The following VAT1L variants were observed in gnomAD, a reference collection of about 807,000 sequenced individuals.
The protein encoded by VAT1L is putative NADPH-dependent quinone oxidoreductase VAT1L.
A neutral mutation model predicts 44.1 loss-of-function variants in VAT1L; 34 were observed. That is an observed-to-expected ratio of 0.77 (90% CI 0.59 to 1.03). The LOEUF (loss-of-function observed/expected upper bound fraction) is 1.03, where lower values mean the gene tolerates loss of function less well. VAT1L is among the 50% of genes least tolerant of loss of function. The pLI, the probability that VAT1L is intolerant of heterozygous loss-of-function variation, is 0.00. For missense variants in VAT1L, 615 were observed against 538.8 expected (o/e 1.14, Z -1.40); for synonymous variants, 253 against 202.2 (o/e 1.25, Z -2.13).
chr16:77,935,772 C>G (rs1249079732), intron 7 of VAT1L, among the ~76,000 whole-genome samples: 1 of 152,212 alleles, frequency 6.6e-6, no homozygotes, highest in Non-Finnish European at 1.5e-5. Flanking sequence ...AAGCTCATCT[C>G]TGGCATAAAC....
At position 77,788,774 on chromosome 16, in the gene VAT1L, A is replaced by G. The variant is rs757720842; in HGVS notation, c.92A>G (p.Asp31Gly). 16 of 1,562,764 alleles carry G rather than the reference A, an allele frequency of 1.0e-5. No individual in the cohort carries two copies. The Admixed American group carries it at 2.5e-4, about 25-fold the overall frequency. Residue 31 changes from aspartate to glycine, a missense_variant, in exon 1 of 9, where the codon GAC becomes GGC. Physicochemically the swap from Asp to Gly is moderately conservative, Grantham distance 94 (BLOSUM62 -1). Coordinates refer to ENST00000302536, the MANE Select transcript of VAT1L (RefSeq NM_020927.3). ...GKEPAEGGGG[D>G]GSHRLGDAQE... Reference sequence around the variant, plus strand: ...GAGCCGGCGGAGGGCGGCGGCGGCGACGGCTCGCACCGCCTCGGGGACGCC... The same window carrying G: ...GAGCCGGCGGAGGGCGGCGGCGGCGGCGGCTCGCACCGCCTCGGGGACGCC...
chr16:77,796,775 C>T (rs944090928), intron 1 of VAT1L, among the ~76,000 whole-genome samples: 31 of 152,216 alleles, frequency 2.0e-4, no homozygotes, highest in Middle Eastern at 3.4e-3. Flanking sequence ...ATTGCCAGCA[C>T]GGAGTAGGAT....
chr16:77,875,744 T>C (rs2017080875), intron 4 of VAT1L, among the ~76,000 whole-genome samples: 4 of 152,204 alleles, frequency 2.6e-5, no homozygotes, highest in African/African-American at 7.2e-5. Context: ...ACCCTCTTCC[T>C]CTCAGAGTCA....
intron 7 of VAT1L, among the ~76,000 whole-genome samples, chr16:77,902,972 G>GAAA (rs11307214): frequency 0.18 from 17,401 of 95,752 alleles, 1,247 homozygotes; most frequent in South Asian, 0.23. Context: ...GACTCTGTCT[G>GAAA]AAAAAAAAAA....
intron 7 of VAT1L, among the ~76,000 whole-genome samples, chr16:77,910,427 C>T (rs947297106): frequency 6.6e-6 from 1 of 152,112 alleles, no homozygotes; most frequent in Admixed American, 6.5e-5. Context: ...AATCCCAGCA[C>T]TTTGGGAGGC....
At chr16:77,878,277 C>T (rs1297227946) in intron 5 of VAT1L, among the ~76,000 whole-genome samples, 1 of 152,198 alleles carries the variant, frequency 6.6e-6, no homozygotes, top group East Asian at 1.9e-4. Context: ...TTTGCACCAA[C>T]TTATTAACTG....
chr16:77,901,204 C>G (rs1035582661), intron 7 of VAT1L, among the ~76,000 whole-genome samples: 2 of 134,474 alleles, frequency 1.5e-5, no homozygotes, highest in South Asian at 5.0e-4. Flanking sequence ...TGCTCTGTCA[C>G]CCAGGCTGGA....
At chr16:77,966,291 A>G (rs905739155) in intron 7 of VAT1L, among the ~76,000 whole-genome samples, 3 of 152,194 alleles carry the variant, frequency 2.0e-5, no homozygotes, top group African/African-American at 7.2e-5. Context: ...GGTAAGGTTG[A>G]CATCACTAGC....
At chr16:77,938,610 G>A (rs913204201) in intron 7 of VAT1L, among the ~76,000 whole-genome samples, 2 of 152,134 alleles carry the variant, frequency 1.3e-5, no homozygotes, top group African/African-American at 4.8e-5. Context: ...CTCTGGCCAT[G>A]TAAAGACGTG....
chr16:77,846,129 GATA>G (rs2016756253), intron 3 of VAT1L, among the ~76,000 whole-genome samples: 1 of 152,186 alleles, frequency 6.6e-6, no homozygotes, highest in Non-Finnish European at 1.5e-5. Context: ...CCTATGTAAT[GATA>G]ATGAGGTTCT....
chr16:77,947,571 C>A (rs1052532025), intron 7 of VAT1L, among the ~76,000 whole-genome samples: 9 of 152,188 alleles, frequency 5.9e-5, no homozygotes, highest in Admixed American at 2.0e-4. Context: ...CAAGTGAAGA[C>A]CATGCCCAGC....
At chr16:77,827,881 C>T (rs566750939) in intron 3 of VAT1L, among the ~76,000 whole-genome samples, 56 of 152,212 alleles carry the variant, frequency 3.7e-4, no homozygotes, top group Admixed American at 9.2e-4. Flanking sequence ...GTTTTTCTTA[C>T]GGTGCACTCT....
intron 7 of VAT1L, among the ~76,000 whole-genome samples, chr16:77,969,175 A>C (rs998603604): frequency 6.6e-6 from 1 of 152,186 alleles, no homozygotes; most frequent in Non-Finnish European, 1.5e-5. Context: ...AGATATCGAG[A>C]TATTGTTATC....
intron 7 of VAT1L, among the ~76,000 whole-genome samples, chr16:77,951,752 T>C (rs1438374502): frequency 2.0e-5 from 3 of 151,860 alleles, no homozygotes; most frequent in Non-Finnish European, 4.4e-5. Flanking sequence ...AGAAAGGACT[T>C]CGGGGTGGCT....
intron 1 of VAT1L, among the ~76,000 whole-genome samples, chr16:77,796,017 G>T (rs1174335545): frequency 6.6e-6 from 1 of 151,786 alleles, no homozygotes; most frequent in Non-Finnish European, 1.5e-5. Flanking sequence ...GTAGAGACAG[G>T]GTTTCGCCAT....
intron 3 of VAT1L, among the ~76,000 whole-genome samples, chr16:77,858,006 C>A (rs2142439135): frequency 6.6e-6 from 1 of 152,256 alleles, no homozygotes; most frequent in African/African-American, 2.4e-5. Flanking sequence ...CCCATACACT[C>A]AACTCCTCCA....
At chr16:77,863,510 G>A (rs979540714) in intron 4 of VAT1L, among the ~76,000 whole-genome samples, 6 of 152,218 alleles carry the variant, frequency 3.9e-5, no homozygotes, top group Admixed American at 1.3e-4. Context: ...AGTCAAGCCA[G>A]GCATTTCAAC....
At position 77,941,363 on chromosome 16, in the gene VAT1L, G is replaced by A. The variant is rs186529729; in HGVS notation, c.1078-30487G>A. On this transcript the variant is annotated intron_variant, in intron 7 of 8. Coordinates refer to ENST00000302536, the MANE Select transcript of VAT1L (RefSeq NM_020927.3). ...AACAGATTTTGATTCAAGTTATGAT[G>A]TGCTGTCATATGTTGATTTGTATCA... Among the ~76,000 whole-genome samples, 210 of 152,274 alleles carry A rather than the reference G, an allele frequency of 1.4e-3. 1 individual carries two copies. Among genetic ancestry groups the A allele is most frequent in the Non-Finnish European group, 1.6e-3 (112 of 68,034 alleles).
intron 7 of VAT1L, among the ~76,000 whole-genome samples, chr16:77,960,848 A>G (rs866686889): frequency 6.6e-6 from 1 of 151,984 alleles, no homozygotes; most frequent in African/African-American, 2.4e-5. Context: ...TACTGCCGAG[A>G]AATGACCGTG....
Sources: allele counts gnomAD v4.1 joint callset (sites outside exome capture counted in the v4.1 genomes callset), GRCh38; gene constraint gnomAD v4.1.1; transcripts MANE v1.5; gene names NCBI Gene and HGNC (gene_info 2026-07-23, HGNC 2026-07-21).